The following PTPRD variants were observed in gnomAD, a reference collection of about 807,000 sequenced individuals.
PTPRD encodes the protein protein tyrosine phosphatase receptor type D.
Under a neutral mutation model 214.5 loss-of-function variants are expected in PTPRD, and 34 were observed. The observed-to-expected ratio is 0.16, with a 90% CI of 0.12 to 0.21. PTPRD has a LOEUF of 0.21. PTPRD is among the 10% of genes least tolerant of loss of function. The pLI, the probability that PTPRD is intolerant of heterozygous loss-of-function variation, is 1.00. For missense variants in PTPRD, 2,545 were observed against 2,398.7 expected (o/e 1.06, Z -1.27); for synonymous variants, 1,128 against 845.7 (o/e 1.33, Z -5.79).
At chr9:9,490,628 A>G (rs2095854385) in intron 8 of PTPRD, among the ~76,000 whole-genome samples, 1 of 152,038 alleles carries the variant, frequency 6.6e-6, no homozygotes, top group Non-Finnish European at 1.5e-5. Flanking sequence ...GAACTTTTCT[A>G]TGTCATGAAG....
chr9:8,780,824 G>A (rs2154493663), intron 11 of PTPRD, among the ~76,000 whole-genome samples: 1 of 152,288 alleles, frequency 6.6e-6, no homozygotes, highest in South Asian at 2.1e-4. Context: ...AGGAGATTGT[G>A]CCAAAAATAA....
At chr9:8,756,530 G>A (rs2094000906) in intron 11 of PTPRD, among the ~76,000 whole-genome samples, 1 of 152,134 alleles carries the variant, frequency 6.6e-6, no homozygotes, top group South Asian at 2.1e-4. Context: ...AGCTGTATCA[G>A]TTGGCTACAG....
chr9:9,643,376 G>T (rs2096035591), intron 7 of PTPRD, among the ~76,000 whole-genome samples: 1 of 152,030 alleles, frequency 6.6e-6, no homozygotes, highest in East Asian at 1.9e-4. Flanking sequence ...AGAACATAGG[G>T]CCTCAATCAC....
Position 9,188,878 on chromosome 9 carries a change from C to A in PTPRD, c.-202-5515G>T, listed in dbSNP as rs927737410. On this transcript the variant is annotated intron_variant, in intron 9 of 45. Coordinates refer to ENST00000381196, the MANE Select transcript of PTPRD (RefSeq NM_002839.4). ...GCATGTCTTGGAATCTTTTTACAAG[C>A]AAATAAACAAAACCAACACATAAAG... 3.3e-5 allele frequency among the ~76,000 whole-genome samples: 5 copies of A among 150,798 alleles called. No individual in the cohort carries two copies. The East Asian group carries it at 9.8e-4, about 30-fold the overall frequency.
At chr9:8,929,586 T>C (rs2098930044) in intron 11 of PTPRD, among the ~76,000 whole-genome samples, 1 of 151,616 alleles carries the variant, frequency 6.6e-6, no homozygotes, top group African/African-American at 2.4e-5. Flanking sequence ...CTGGATTCGG[T>C]TTGCCAGTAT....
At chr9:9,400,070 G>A (rs2069618434) in intron 8 of PTPRD, among the ~76,000 whole-genome samples, 1 of 147,420 alleles carries the variant, frequency 6.8e-6, no homozygotes, top group Admixed American at 6.8e-5. Context: ...AAAATAGAGT[G>A]TGGACCTAAC....
intron 2 of PTPRD, among the ~76,000 whole-genome samples, chr9:10,577,207 T>C (rs1342904672): frequency 6.6e-6 from 1 of 152,180 alleles, no homozygotes; most frequent in African/African-American, 2.4e-5. Flanking sequence ...GTAAGTTAAC[T>C]GATATACCCA....
At chr9:8,422,229 T>C (rs777459636) in intron 35 of PTPRD, among the ~76,000 whole-genome samples, 1 of 132,910 alleles carries the variant, frequency 7.5e-6, no homozygotes, top group Non-Finnish European at 1.6e-5. Flanking sequence ...AAGAAAAACA[T>C]ATAAAATATA....
intron 12 of PTPRD, among the ~76,000 whole-genome samples, chr9:8,662,224 G>A (rs774500550): frequency 6.6e-6 from 1 of 152,128 alleles, no homozygotes; most frequent in Non-Finnish European, 1.5e-5. Flanking sequence ...GAAGAGCACC[G>A]AGGTTCAAAC....
At chr9:8,318,645 T>C (rs939123070) in intron 45 of PTPRD, among the ~76,000 whole-genome samples, 3 of 152,054 alleles carry the variant, frequency 2.0e-5, no homozygotes, top group African/African-American at 4.8e-5. Flanking sequence ...TTCACAGGAC[T>C]GGCTGCCCAC....
intron 8 of PTPRD, among the ~76,000 whole-genome samples, chr9:9,554,125 G>T (rs1337052915): frequency 6.6e-6 from 1 of 151,926 alleles, no homozygotes; most frequent in Admixed American, 6.6e-5. Flanking sequence ...GGGATATGTG[G>T]GCAAGAATCC....
intron 2 of PTPRD, among the ~76,000 whole-genome samples, chr9:10,536,485 A>G (rs2057826542): frequency 6.6e-6 from 1 of 152,130 alleles, no homozygotes; most frequent in South Asian, 2.1e-4. Context: ...TGTTTATGAG[A>G]AACTTCATAA....
intron 4 of PTPRD, among the ~76,000 whole-genome samples, 178 bp downstream of exon 4, chr9:10,033,540 A>T (rs918267560): frequency 4.6e-5 from 7 of 152,056 alleles, no homozygotes; most frequent in Non-Finnish European, 8.8e-5. Context: ...CTATTACTAG[A>T]GTAATTAAAA....
At chr9:9,438,272 G>T (rs1246789456) in intron 8 of PTPRD, among the ~76,000 whole-genome samples, 1 of 152,138 alleles carries the variant, frequency 6.6e-6, no homozygotes, top group East Asian at 1.9e-4. Flanking sequence ...AGTGCCTACA[G>T]CAAAAGACTA....
intron 8 of PTPRD, among the ~76,000 whole-genome samples, chr9:9,484,232 C>T (rs866097767): frequency 1.3e-4 from 19 of 151,048 alleles, no homozygotes; most frequent in Admixed American, 5.9e-4. Flanking sequence ...ACAAATGAAA[C>T]CTTCTGGTCA....
chr9:10,231,989 A>AGAGAGAGAGAGAGAGAGTGT (rs1245284728), intron 3 of PTPRD, among the ~76,000 whole-genome samples: 2 of 92,436 alleles, frequency 2.2e-5, no homozygotes, highest in Admixed American at 1.2e-4. Context: ...AGAGAGAGAG[A>AGAGAGAGAGAGAGAGAGTGT]GTGTGTGTGT....
chr9:9,784,875 C>T (rs2098907329), intron 5 of PTPRD, among the ~76,000 whole-genome samples: 1 of 146,794 alleles, frequency 6.8e-6, no homozygotes, highest in Non-Finnish European at 1.5e-5. Context: ...TATACACACA[C>T]ACACGCACAC....
At chr9:9,727,805 A>T (rs568419752) in intron 7 of PTPRD, among the ~76,000 whole-genome samples, 17 of 152,164 alleles carry the variant, frequency 1.1e-4, no homozygotes, top group Non-Finnish European at 2.2e-4. Context: ...CAGTGAATGA[A>T]AGCTATCGTA....
At chr9:10,218,642 T>A (rs2099552364) in intron 3 of PTPRD, among the ~76,000 whole-genome samples, 1 of 151,782 alleles carries the variant, frequency 6.6e-6, no homozygotes. Context: ...TACCATAATA[T>A]GTAGTCTGAA....
Sources: gnomAD v4.1 joint callset for allele counts (sites outside exome capture counted in the v4.1 genomes callset) on GRCh38, gnomAD v4.1.1 for gene constraint, MANE v1.5 for transcripts, NCBI Gene and HGNC (gene_info 2026-07-23, HGNC 2026-07-21) for gene names.